The following MAD1L1 variants were observed in gnomAD, a reference collection of about 807,000 sequenced individuals.
MAD1L1 encodes the protein mitotic spindle assembly checkpoint protein MAD1.
Under a neutral mutation model 96.9 loss-of-function variants are expected in MAD1L1, and 95 were observed. That is an observed-to-expected ratio of 0.98 (90% CI 0.83 to 1.16). MAD1L1 has a LOEUF of 1.16. Ranked by LOEUF, MAD1L1 falls within the 50% of genes most tolerant of loss-of-function variation. The pLI is 0.00. For missense variants in MAD1L1, 1,007 were observed against 954.4 expected (o/e 1.06, Z -0.73); for synonymous variants, 473 against 396.6 (o/e 1.19, Z -2.29).
At chr7:2,011,502 G>A (rs982804945) in intron 13 of MAD1L1, among the ~76,000 whole-genome samples, 2 of 152,224 alleles carry the variant, frequency 1.3e-5, no homozygotes, top group Non-Finnish European at 2.9e-5. Flanking sequence ...CCCAGCCCAG[G>A]AGCTGGCGGC....
intron 12 of MAD1L1, among the ~76,000 whole-genome samples, chr7:2,055,673 A>C (rs919730846): frequency 2.3e-5 from 3 of 131,844 alleles, no homozygotes; most frequent in Non-Finnish European, 3.4e-5. Context: ...CTGTCTCAAA[A>C]AAAAAAAAAA....
chr7:2,206,064 G>A (rs1375716595), intron 10 of MAD1L1, among the ~76,000 whole-genome samples: 3 of 152,134 alleles, frequency 2.0e-5, no homozygotes, highest in African/African-American at 4.8e-5. Flanking sequence ...CCTGGGAGGC[G>A]GAGGTTGCAG....
chr7:1,880,029 C>T (rs373805842), intron 18 of MAD1L1, among the ~76,000 whole-genome samples: 7 of 152,154 alleles, frequency 4.6e-5, no homozygotes, highest in African/African-American at 1.4e-4. Flanking sequence ...TTCGCCTGGC[C>T]GGCAAACTGA....
At chr7:1,965,857 G>GC (rs1476254140) in intron 15 of MAD1L1, among the ~76,000 whole-genome samples, 1 of 152,270 alleles carries the variant, frequency 6.6e-6, no homozygotes, top group African/African-American at 2.4e-5. Flanking sequence ...TGCGAAGAGA[G>GC]CCCCACGTCC....
intron 10 of MAD1L1, among the ~76,000 whole-genome samples, chr7:2,187,965 G>C (rs914144701): frequency 6.6e-6 from 1 of 152,172 alleles, no homozygotes; most frequent in Non-Finnish European, 1.5e-5. Flanking sequence ...TTAAAAATTT[G>C]TATCTACCAC....
chr7:1,944,023 A>G (rs1779116406), intron 16 of MAD1L1, among the ~76,000 whole-genome samples: 1 of 152,210 alleles, frequency 6.6e-6, no homozygotes, highest in East Asian at 1.9e-4. Context: ...AACCTTGAAC[A>G]AGGGAAGTGA....
At chr7:2,163,178 C>T (rs1229809447) in intron 10 of MAD1L1, among the ~76,000 whole-genome samples, 5 of 152,174 alleles carry the variant, frequency 3.3e-5, no homozygotes, top group Non-Finnish European at 7.3e-5. Context: ...TAAGGATGGG[C>T]GGCCAAGGCC....
intron 15 of MAD1L1, among the ~76,000 whole-genome samples, chr7:1,958,211 G>C (rs1779810209): frequency 6.6e-6 from 1 of 152,194 alleles, no homozygotes; most frequent in Non-Finnish European, 1.5e-5. Flanking sequence ...GCACAATTCA[G>C]ATGAGAAACA....
intron 10 of MAD1L1, among the ~76,000 whole-genome samples, chr7:2,151,807 G>A (rs1035011933): frequency 7.9e-5 from 12 of 152,214 alleles, no homozygotes; most frequent in Admixed American, 5.2e-4. Context: ...CTCTTCTGAA[G>A]TGCTGGGCGC....
chr7:2,044,738 G>T (rs1016230496), intron 12 of MAD1L1, among the ~76,000 whole-genome samples: 2 of 152,228 alleles, frequency 1.3e-5, no homozygotes, highest in Non-Finnish European at 2.9e-5. Context: ...GTGAGATTCA[G>T]TGAGGATGAC....
intron 12 of MAD1L1, among the ~76,000 whole-genome samples, chr7:2,045,064 C>T (rs906344426): frequency 1.3e-5 from 2 of 152,200 alleles, no homozygotes; most frequent in Non-Finnish European, 2.9e-5. Context: ...CGGCAAGCCC[C>T]GGCCTCTGAT....
At chr7:1,929,165 G>A (rs1002619919) in intron 17 of MAD1L1, among the ~76,000 whole-genome samples, 4 of 151,520 alleles carry the variant, frequency 2.6e-5, no homozygotes, top group African/African-American at 9.7e-5. Context: ...CCCCTCCCGG[G>A]CCTCCCCTCT....
In MAD1L1 at chr7:2,049,721, CAGG is replaced by C. The variant is rs1253437535; in HGVS notation, c.1218+19470_1218+19472del. 2.0e-5 allele frequency among the ~76,000 whole-genome samples: 3 copies of C among 152,222 alleles called. No homozygotes were observed. In the East Asian group the frequency reaches 5.8e-4, roughly 29 times the overall value. ...GACTCGCTTCATCAGCACCAGTGTC[CAGG>C]AGGACTATCGAGCACTGTAATTCCC... On this transcript the variant is annotated intron_variant, in intron 12 of 18. Transcript: ENST00000265854.
At chr7:2,072,675 C>T (rs1785191061) in intron 11 of MAD1L1, among the ~76,000 whole-genome samples, 2 of 152,246 alleles carry the variant, frequency 1.3e-5, no homozygotes, top group South Asian at 4.1e-4. Context: ...TCCCTGTACT[C>T]TGCTTCAAAG....
chr7:2,152,458 C>A (rs1639895), intron 10 of MAD1L1, among the ~76,000 whole-genome samples: 1 of 152,082 alleles, frequency 6.6e-6, no homozygotes, highest in Non-Finnish European at 1.5e-5. Context: ...CCAAGCCTCA[C>A]GAGCCCTGTC....
intron 14 of MAD1L1, among the ~76,000 whole-genome samples, chr7:2,001,862 C>T (rs1781810428): frequency 6.6e-6 from 1 of 152,246 alleles, no homozygotes; most frequent in East Asian, 1.9e-4. Flanking sequence ...GGCTGTGCTC[C>T]CCGCCGGCGC....
At chr7:1,877,699 T>C (rs1413696939) in intron 18 of MAD1L1, among the ~76,000 whole-genome samples, 1 of 152,136 alleles carries the variant, frequency 6.6e-6, no homozygotes, top group East Asian at 1.9e-4. Context: ...TAGATAGGTA[T>C]ATATAAATAT....
chr7:2,086,059 G>A (rs983468723), intron 11 of MAD1L1, among the ~76,000 whole-genome samples: 1 of 152,140 alleles, frequency 6.6e-6, no homozygotes, highest in African/African-American at 2.4e-5. Flanking sequence ...ACCCTGCCCG[G>A]GAGGACTCCA....
chr7:2,086,686 G>A (rs1785936556), intron 11 of MAD1L1, among the ~76,000 whole-genome samples: 1 of 152,172 alleles, frequency 6.6e-6, no homozygotes, highest in South Asian at 2.1e-4. Context: ...AGAGTAGCTG[G>A]GATTACAGTT....
Sources: gnomAD v4.1 joint callset for allele counts (sites outside exome capture counted in the v4.1 genomes callset) on GRCh38, gnomAD v4.1.1 for gene constraint, MANE v1.5 for transcripts, NCBI Gene and HGNC (gene_info 2026-07-23, HGNC 2026-07-21) for gene names.